The following PTPRN2 variants were observed in gnomAD, a reference collection of about 807,000 sequenced individuals.
PTPRN2 encodes protein tyrosine phosphatase receptor type N2.
Under a neutral mutation model 118.8 loss-of-function variants are expected in PTPRN2, and 74 were observed. That is an observed-to-expected ratio of 0.62 (90% CI 0.52 to 0.76). The LOEUF is 0.76. Among genes scored for constraint, PTPRN2 ranks in the 30% least tolerant of loss-of-function variants. The pLI, the probability that PTPRN2 is intolerant of heterozygous loss-of-function variation, is 0.00. For synonymous variants in PTPRN2, 641 were observed against 608.0 expected, an observed-to-expected ratio of 1.05 and a Z score of -0.80; for missense variants, 1,481 against 1,394.4, an observed-to-expected ratio of 1.06 and a Z score of -0.99.
chr7:157,693,370 C>A (rs1797612622), intron 12 of PTPRN2, among the ~76,000 whole-genome samples: 1 of 152,058 alleles, frequency 6.6e-6, no homozygotes. Flanking sequence ...ACTGGAGGCC[C>A]GACCTCCGCG....
Position 158,215,009 on chromosome 7 carries a change from A to C in PTPRN2, c.278-9736T>G, listed in dbSNP as rs190775187. Among the ~76,000 whole-genome samples, 1,091 of 152,326 alleles carry C rather than the reference A, an allele frequency of 7.2e-3. 10 individuals are homozygous for C. Among genetic ancestry groups the C allele is most frequent in the Middle Eastern group, 0.017 (5 of 294 alleles). On this transcript the variant is annotated intron_variant, in intron 3 of 22. Coordinates refer to ENST00000389418, the MANE Select transcript of PTPRN2 (RefSeq NM_002847.5). ...AAAGAACAAAGAAGATCACAAAATA[A>C]ATAGAAAAGAGACAATCCACAGAAA...
At chr7:158,046,177 G>T (rs1030493985) in intron 11 of PTPRN2, among the ~76,000 whole-genome samples, 1 of 146,746 alleles carries the variant, frequency 6.8e-6, no homozygotes, top group Non-Finnish European at 1.5e-5. Context: ...CTGTCCAGGA[G>T]CAGAACCTAT....
chr7:158,391,307 C>T (rs906460597), intron 2 of PTPRN2, among the ~76,000 whole-genome samples: 2 of 152,194 alleles, frequency 1.3e-5, no homozygotes, highest in Admixed American at 6.5e-5. Flanking sequence ...GAAGCCCAGG[C>T]GCCACCCTCC....
chr7:158,174,253 T>C (rs77335280), intron 5 of PTPRN2, among the ~76,000 whole-genome samples: 15,332 of 152,032 alleles, frequency 0.1, 1,082 homozygotes, highest in African/African-American at 0.2. Context: ...CCATTTGGGG[T>C]CCCTGACTTC....
At position 158,192,186 on chromosome 7, in the gene PTPRN2, G is replaced by A. The variant is rs951419398; in HGVS notation, c.549+141C>T. 115 of 1,017,896 alleles carry A rather than the reference G, an allele frequency of 1.1e-4. No individual in the cohort carries two copies. The East Asian group carries it at 2.6e-3, about 23-fold the overall frequency. 63.1% of individuals were successfully genotyped at this position (1,017,896 alleles called of 1,614,324 possible). A position where few individuals can be genotyped will look rare whatever the true frequency, so the allele number is the denominator to read the frequency against. ...CGCTCTAAGGGGCCCCAGGAACACC[G>A]AAGCCCTGTTCACAGGATGCCCGCT... On this transcript the variant is annotated intron_variant, in intron 5 of 22. Coordinates refer to ENST00000389418, the MANE Select transcript of PTPRN2 (RefSeq NM_002847.5).
chr7:157,666,605 G>A (rs1422516221), intron 13 of PTPRN2, among the ~76,000 whole-genome samples: 7 of 152,220 alleles, frequency 4.6e-5, no homozygotes, highest in African/African-American at 7.2e-5. Flanking sequence ...GTAAGGCAGA[G>A]GCTGAGGACC....
At chr7:158,394,734 A>T (rs557884817) in intron 2 of PTPRN2, among the ~76,000 whole-genome samples, 1 of 152,350 alleles carries the variant, frequency 6.6e-6, no homozygotes, top group East Asian at 1.9e-4. Flanking sequence ...CGGGGCGACA[A>T]GGACTGTAGG....
intron 12 of PTPRN2, among the ~76,000 whole-genome samples, chr7:157,735,108 C>T (rs1285677288): frequency 2.0e-5 from 3 of 152,220 alleles, no homozygotes; most frequent in Non-Finnish European, 4.4e-5. Flanking sequence ...TGGGGAGCGC[C>T]GTGTGCTCAG....
rs1257837042 is a variant in PTPRN2 at position 158,093,824 on chromosome 7, G to A, written c.1644-12447C>T. Among the ~76,000 whole-genome samples, 3 of 152,210 alleles carry A rather than the reference G, an allele frequency of 2.0e-5. No individual in the cohort carries two copies. Among genetic ancestry groups the A allele is most frequent in the Non-Finnish European group, 1.5e-5 (1 of 68,048 alleles). The stretch of plus-strand genomic sequence containing the variant: ...CTAAGAGCTTACAAAGGAGGAAGAA[G>A]AGAGAACCAATTCTTATTTGAATGT... On this transcript the variant is annotated intron_variant, in intron 10 of 22. Coordinates refer to ENST00000389418, the MANE Select transcript of PTPRN2 (RefSeq NM_002847.5). This position sits in a 1 kb window ranked among gnomAD's most constrained non-coding sequence, Gnocchi z 4.4.
chr7:158,578,872 C>A (rs1276176607), intron 1 of PTPRN2, among the ~76,000 whole-genome samples: 1 of 152,136 alleles, frequency 6.6e-6, no homozygotes, highest in African/African-American at 2.4e-5. Flanking sequence ...AAGTGATTCT[C>A]CTGCCTCAGC....
At chr7:157,812,858 A>T (rs1806143821) in intron 12 of PTPRN2, among the ~76,000 whole-genome samples, 1 of 152,078 alleles carries the variant, frequency 6.6e-6, no homozygotes. Flanking sequence ...TTCCGTTTGG[A>T]AACCAGCGTT....
chr7:158,087,091 AC>A (rs1813480086), intron 10 of PTPRN2, among the ~76,000 whole-genome samples: 1 of 152,330 alleles, frequency 6.6e-6, no homozygotes, highest in East Asian at 1.9e-4. Flanking sequence ...CTGACATGCG[AC>A]AGGGTTCCCT....
Position 158,570,098 on chromosome 7 carries a change from C to T in PTPRN2, c.112+17460G>A, listed in dbSNP as rs1258921884. On this transcript the variant is annotated intron_variant, in intron 1 of 22. Coordinates refer to ENST00000389418, the MANE Select transcript of PTPRN2 (RefSeq NM_002847.5). This position sits in a 1 kb window ranked among gnomAD's most constrained non-coding sequence, Gnocchi z 4.5. Reference sequence around the variant, plus strand: ...CAGGCAGGGGGAAGCCCCGAGAAGCCGCCGCGCCGGGCTGAGATCGGGCCC... The same window carrying T: ...CAGGCAGGGGGAAGCCCCGAGAAGCTGCCGCGCCGGGCTGAGATCGGGCCC... Among the ~76,000 whole-genome samples, 2 of 152,170 alleles carry T rather than the reference C, an allele frequency of 1.3e-5. No individual in the cohort carries two copies. Among genetic ancestry groups the T allele is most frequent in the Non-Finnish European group, 2.9e-5 (2 of 68,020 alleles).
chr7:158,405,044 C>T (rs1350463170), intron 2 of PTPRN2, among the ~76,000 whole-genome samples: 2 of 147,972 alleles, frequency 1.4e-5, no homozygotes, highest in Admixed American at 1.3e-4. Context: ...CGGCCCCCAG[C>T]TCCCCGGCCC....
chr7:158,560,999 T>A (rs113083274), intron 1 of PTPRN2, among the ~76,000 whole-genome samples: 1 of 152,260 alleles, frequency 6.6e-6, no homozygotes, highest in Non-Finnish European at 1.5e-5. Flanking sequence ...CCCATTCACA[T>A]GTCAGAATGT....
chr7:157,590,108 A>G lies in PTPRN2; in HGVS notation c.2496+5130T>C, dbSNP rs746631850. Among the ~76,000 whole-genome samples, 9 of 152,210 alleles carry G rather than the reference A, an allele frequency of 5.9e-5. No individual in the cohort carries two copies. The highest frequency in any genetic ancestry group is 1.3e-4 in the Non-Finnish European group (9 of 68,046). On this transcript the variant is annotated intron_variant, in intron 17 of 22. Transcript: ENST00000389418. This position sits in a 1 kb window ranked among gnomAD's most constrained non-coding sequence, Gnocchi z 4.0. Reference sequence around the variant, plus strand: ...ATGACCAGCAGAGAGGACGGTGGACATGTTTCTTCCTAAGATCTTGATATG... The same window carrying G: ...ATGACCAGCAGAGAGGACGGTGGACGTGTTTCTTCCTAAGATCTTGATATG...
intron 2 of PTPRN2, among the ~76,000 whole-genome samples, chr7:158,338,236 C>T (rs1319304686): frequency 1.3e-5 from 1 of 76,518 alleles, no homozygotes; most frequent in Non-Finnish European, 2.6e-5. Flanking sequence ...TAATAGCTGT[C>T]GTCCGGAGGC....
chr7:158,410,159 T>A (rs902130802), intron 2 of PTPRN2, among the ~76,000 whole-genome samples: 2 of 152,146 alleles, frequency 1.3e-5, no homozygotes, highest in Non-Finnish European at 2.9e-5. Flanking sequence ...AAACAGCCCA[T>A]GTCTGAGCCA....
Position 157,615,357 on chromosome 7 carries a change from C to A in PTPRN2, c.2344+6005G>T. On this transcript the variant is annotated intron_variant, in intron 15 of 22. Coordinates refer to ENST00000389418, the MANE Select transcript of PTPRN2 (RefSeq NM_002847.5). The surrounding 1 kb of genome is among the most constrained non-coding windows in gnomAD (Gnocchi z 4.3). ...AGTGTAGGCTGCACTCTCCGGGGAG[C>A]CGCTGACCTTGGGCTCCCTAACCTC... 1 of 444,664 alleles carries A rather than the reference C, an allele frequency of 2.2e-6. No homozygotes were observed. The highest frequency in any genetic ancestry group is 4.7e-6 in the Non-Finnish European group (1 of 212,366). The allele number at this position is 444,664 out of a possible 1,614,324, so 27.5% of individuals were successfully genotyped here.
Sources: gnomAD v4.1 joint callset for allele counts (sites outside exome capture counted in the v4.1 genomes callset) on GRCh38, gnomAD v4.1.1 for gene constraint, Gnocchi (gnomAD v3.1) non-coding constraint, MANE v1.5 for transcripts, NCBI Gene and HGNC (gene_info 2026-07-23, HGNC 2026-07-21) for gene names.